The following DIS3L2 variants were observed in gnomAD, a reference collection of about 807,000 sequenced individuals.
DIS3L2 encodes DIS3-like exonuclease 2.
DIS3L2 carries 34 observed loss-of-function variants against 97.5 expected under a neutral mutation model. That is an observed-to-expected ratio of 0.35 (90% CI 0.27 to 0.46). The LOEUF (loss-of-function observed/expected upper bound fraction) is 0.46, where lower values mean the gene tolerates loss of function less well. DIS3L2 is among the 20% of genes least tolerant of loss of function. The probability of loss-of-function intolerance (pLI) is 1.00; values close to 1 mark genes in which losing one functional copy is unlikely to be tolerated. For missense variants in DIS3L2, 1,038 were observed against 1,146.0 expected (o/e 0.91, Z 1.36); for synonymous variants, 435 against 445.2 (o/e 0.98, Z 0.29).
At chr2:232,286,880 A>G (rs1694449909) in intron 13 of DIS3L2, among the ~76,000 whole-genome samples, 1 of 152,156 alleles carries the variant, frequency 6.6e-6, no homozygotes, top group Admixed American at 6.5e-5. Context: ...TTCCAGGTTC[A>G]AGAGATTTCC....
chr2:231,994,547 G>A (rs1411217912), intron 1 of DIS3L2, among the ~76,000 whole-genome samples: 2 of 151,986 alleles, frequency 1.3e-5, no homozygotes, highest in Non-Finnish European at 2.9e-5. Context: ...AGCTTACCAC[G>A]ATTTAGGCCC....
chr2:232,201,939 T>C (rs1435111788), intron 9 of DIS3L2, among the ~76,000 whole-genome samples: 2 of 152,200 alleles, frequency 1.3e-5, no homozygotes, highest in Non-Finnish European at 2.9e-5. Flanking sequence ...TTCTTTCAAC[T>C]TTCCTGAAAG....
At chr2:232,205,591 C>T (rs202154784) in intron 9 of DIS3L2, among the ~76,000 whole-genome samples, 1 of 152,018 alleles carries the variant, frequency 6.6e-6, no homozygotes, top group East Asian at 1.9e-4. Flanking sequence ...CATGAGCCAC[C>T]GTGCCCAGCA....
At chr2:232,009,235 T>C (rs1279611032) in intron 1 of DIS3L2, among the ~76,000 whole-genome samples, 2 of 152,236 alleles carry the variant, frequency 1.3e-5, no homozygotes, top group Non-Finnish European at 2.9e-5. Flanking sequence ...TTATTGAAAC[T>C]TGTCCCCTTC....
intron 13 of DIS3L2, among the ~76,000 whole-genome samples, chr2:232,264,186 T>G (rs1693794967): frequency 6.6e-6 from 1 of 152,364 alleles, no homozygotes; most frequent in South Asian, 2.1e-4. Flanking sequence ...ATGCTGCCAC[T>G]GACCTGACAG....
chr2:232,136,666 A>G lies in DIS3L2; in HGVS notation c.897A>G (p.Thr299=). The G allele has an allele frequency of 6.2e-7, 1 of 1,613,846 alleles. No homozygotes were observed. Among genetic ancestry groups the G allele is most frequent in the Non-Finnish European group, 8.5e-7 (1 of 1,179,914 alleles). The change falls in exon 8 of 21, where the codon ACA becomes ACG. Residue 299 remains threonine (T), a synonymous_variant. Transcript: ENST00000325385. ...FVARPKDYAN[T]LFICRIVDWK... Reference sequence around the variant, plus strand: ...CACGGCCTAAAGATTATGCCAACACACTGTTCATCTGCCGCATTGTGGACT... The same window carrying G: ...CACGGCCTAAAGATTATGCCAACACGCTGTTCATCTGCCGCATTGTGGACT...
chr2:232,053,073 C>T (rs1444908992), intron 5 of DIS3L2, among the ~76,000 whole-genome samples: 1 of 152,146 alleles, frequency 6.6e-6, no homozygotes, highest in African/African-American at 2.4e-5. Context: ...TTTCATTCTT[C>T]ATGTGCTTAT....
chr2:232,174,716 T>C (rs1691100757), intron 9 of DIS3L2, among the ~76,000 whole-genome samples: 1 of 152,192 alleles, frequency 6.6e-6, no homozygotes, highest in African/African-American at 2.4e-5. Context: ...TTAGATGCCT[T>C]TTATTTCCTT....
intron 1 of DIS3L2, among the ~76,000 whole-genome samples, chr2:232,007,699 G>A (rs1694091553): frequency 6.6e-6 from 1 of 152,200 alleles, no homozygotes; most frequent in South Asian, 2.1e-4. Context: ...AATGTTAGAT[G>A]AAATTGAGAA....
At chr2:232,247,115 A>T (rs1202852875) in intron 11 of DIS3L2, among the ~76,000 whole-genome samples, 2 of 152,224 alleles carry the variant, frequency 1.3e-5, no homozygotes, top group Admixed American at 1.3e-4. Flanking sequence ...AGACACACTA[A>T]CTATCTGTAC....
chr2:232,254,222 G>A (rs1272416949), intron 12 of DIS3L2, among the ~76,000 whole-genome samples: 4 of 151,906 alleles, frequency 2.6e-5, no homozygotes, highest in Non-Finnish European at 5.9e-5. Context: ...CATTATATTT[G>A]GTTTTTATGG....
At chr2:232,129,462 TG>T (rs933274604) in intron 6 of DIS3L2, among the ~76,000 whole-genome samples, 1 of 152,236 alleles carries the variant, frequency 6.6e-6, no homozygotes, top group Non-Finnish European at 1.5e-5. Flanking sequence ...ACCTTGCTGA[TG>T]TCCTCTTTCA....
At position 232,016,944 on chromosome 2, in the gene DIS3L2, T is replaced by C. The variant is rs1176772699; in HGVS notation, c.210+1273T>C. Among the ~76,000 whole-genome samples the C allele has an allele frequency of 1.0e-4, 12 of 118,210 alleles. No individual in the cohort carries two copies. The South Asian group carries it at 1.6e-3, about 15-fold the overall frequency. 77.6% of individuals were successfully genotyped at this position (118,210 alleles called of 152,430 possible). A position where few individuals can be genotyped will look rare whatever the true frequency, so the allele number is the denominator to read the frequency against. ...TCTCTCCCTCCCTCCCTCCCTCCCT[T>C]CCTTCCTTCCTTCACCTTTCTTTAC... On this transcript the variant is annotated intron_variant, in intron 3 of 20. Transcript: ENST00000325385.
intron 9 of DIS3L2, among the ~76,000 whole-genome samples, chr2:232,170,208 G>A (rs1427413422): frequency 6.6e-6 from 1 of 152,186 alleles, no homozygotes; most frequent in East Asian, 1.9e-4. Context: ...AAACCCAGAA[G>A]TTATTTCTGA....
chr2:232,090,199 C>G (rs545172148), intron 6 of DIS3L2, among the ~76,000 whole-genome samples: 1 of 152,104 alleles, frequency 6.6e-6, no homozygotes, highest in Non-Finnish European at 1.5e-5. Context: ...CCTCCCAAAG[C>G]GCTGGGATTA....
intron 6 of DIS3L2, among the ~76,000 whole-genome samples, chr2:232,091,046 C>A (rs1158748176): frequency 6.6e-6 from 1 of 152,148 alleles, no homozygotes; most frequent in African/African-American, 2.4e-5. Flanking sequence ...GGGCCAAAGA[C>A]CTGGGCCCCT....
chr2:232,325,568 G>T lies in DIS3L2; in HGVS notation c.1740-4245G>T, dbSNP rs1465116987. Among the ~76,000 whole-genome samples, 7 of 152,256 alleles carry T rather than the reference G, an allele frequency of 4.6e-5. No individual in the cohort carries two copies. Among genetic ancestry groups the T allele is most frequent in the South Asian group, 2.1e-4 (1 of 4,826 alleles). The stretch of plus-strand genomic sequence containing the variant: ...TGGGAGTGAGTGCCGAGGAGCTGGG[G>T]TCCTGGCCCTGCAGCCACTGTCACA... On this transcript the variant is annotated intron_variant, in intron 14 of 20. Transcript: ENST00000325385. This position sits in a 1 kb window ranked among gnomAD's most constrained non-coding sequence, Gnocchi z 4.6.
chr2:232,073,765 G>A (rs1408309847), intron 5 of DIS3L2, among the ~76,000 whole-genome samples: 1 of 152,134 alleles, frequency 6.6e-6, no homozygotes, highest in African/African-American at 2.4e-5. Flanking sequence ...TTGAAATACG[G>A]TATATTGATT....
intron 14 of DIS3L2, among the ~76,000 whole-genome samples, chr2:232,306,518 A>G (rs1288621735): frequency 6.6e-6 from 1 of 152,188 alleles, no homozygotes; most frequent in African/African-American, 2.4e-5. Flanking sequence ...ACTCAATAAT[A>G]TATTTAAATT....
Sources: gnomAD v4.1 joint callset for allele counts (sites outside exome capture counted in the v4.1 genomes callset) on GRCh38, gnomAD v4.1.1 for gene constraint, Gnocchi (gnomAD v3.1) non-coding constraint, MANE v1.5 for transcripts, NCBI Gene and HGNC (gene_info 2026-07-23, HGNC 2026-07-21) for gene names.